The following ADTRP variants were observed in gnomAD, a reference collection of about 807,000 sequenced individuals.
The protein encoded by ADTRP is androgen dependent TFPI regulating protein, also known as androgen-dependent TFPI-regulating protein.
In ADTRP, 20 loss-of-function variants were observed where a neutral mutation model predicts 27.0. The observed-to-expected ratio is 0.74, with a 90% CI of 0.52 to 1.08. The LOEUF (loss-of-function observed/expected upper bound fraction) is 1.08, where lower values mean the gene tolerates loss of function less well. Among genes scored for constraint, ADTRP ranks in the 50% least tolerant of loss-of-function variants. The probability of loss-of-function intolerance (pLI) is 0.00; values close to 1 mark genes in which losing one functional copy is unlikely to be tolerated. For synonymous variants in ADTRP, 101 were observed against 105.2 expected, an observed-to-expected ratio of 0.96 and a Z score of 0.25; for missense variants, 251 against 275.0, an observed-to-expected ratio of 0.91 and a Z score of 0.62.
intron 5 of ADTRP, among the ~76,000 whole-genome samples, chr6:11,718,880 C>T (rs915831790): frequency 2.6e-5 from 4 of 152,242 alleles, no homozygotes; most frequent in East Asian, 3.8e-4. Context: ...GCCATGACAA[C>T]ACTTGCCTCC....
chr6:11,736,388 CA>C (rs1435686168), intron 3 of ADTRP: 3 of 152,904 alleles, frequency 2.0e-5, no homozygotes, highest in African/African-American at 7.2e-5. Context: ...CATTTGTGCA[CA>C]AACACGCACA....
chr6:11,760,061 T>C (rs910931217), intron 3 of ADTRP, among the ~76,000 whole-genome samples: 4 of 152,224 alleles, frequency 2.6e-5, no homozygotes, highest in African/African-American at 9.6e-5. Context: ...TTTGAACTTC[T>C]GACCTCCAAA....
In ADTRP at chr6:11,735,650, C is replaced by A. The variant is rs1762524558; in HGVS notation, c.424G>T (p.Val142Phe). 1.2e-6 allele frequency: 2 copies of A among 1,614,020 alleles called. No homozygotes were observed. The highest frequency in any genetic ancestry group is 1.7e-6 in the Non-Finnish European group (2 of 1,179,928). Residue 142 changes from valine to phenylalanine, a missense_variant, in exon 4 of 6, where the codon GTC becomes TTC. Physicochemically the swap from Val to Phe is conservative, Grantham distance 50. Transcript: ENST00000414691. The part of the protein sequence containing the change: ...TFIFPITLAE[V>F]VLRPHSYPSK... Reference sequence around the variant, plus strand: ...GGATAGGAGTGAGGCCTGAGGACGACTTCAGCCAATGTGATGGGGAATATG... The same window carrying A: ...GGATAGGAGTGAGGCCTGAGGACGAATTCAGCCAATGTGATGGGGAATATG...
At chr6:11,731,637 C>CA (rs1762383736) in intron 4 of ADTRP, among the ~76,000 whole-genome samples, 1 of 120,764 alleles carries the variant, frequency 8.3e-6, no homozygotes, top group Admixed American at 8.6e-5. Flanking sequence ...TACCTTCTCT[C>CA]ATTTTTTCTA....
In ADTRP at chr6:11,742,856, TTTTG is replaced by T. The variant is rs145786101; in HGVS notation, c.391-7177_391-7174del. On this transcript the variant is annotated intron_variant, in intron 3 of 5. Transcript: ENST00000414691. ...AGAAGTACCATTTTCCCCATGGGTG[TTTTG>T]TTTGTTTTTGTTCCAATTGTGAATC... Among the ~76,000 whole-genome samples, 931 of 152,286 alleles carry T rather than the reference TTTTG, an allele frequency of 6.1e-3. 27 individuals are homozygous for T. Among genetic ancestry groups the T allele is most frequent in the Admixed American group, 0.044 (670 of 15,302 alleles).
chr6:11,716,929 T>C (rs1761851668), intron 5 of ADTRP, among the ~76,000 whole-genome samples: 2 of 150,022 alleles, frequency 1.3e-5, no homozygotes, highest in African/African-American at 4.9e-5. Flanking sequence ...TTTCACCATG[T>C]AGGCCAGGCT....
intron 3 of ADTRP, among the ~76,000 whole-genome samples, chr6:11,740,599 A>G (rs548720547): frequency 4.9e-4 from 74 of 152,340 alleles, no homozygotes; most frequent in African/African-American, 1.7e-3. Flanking sequence ...AAAGGCATGC[A>G]GTAATAGTTG....
At chr6:11,770,401 T>A (rs1357782489) in intron 1 of ADTRP, among the ~76,000 whole-genome samples, 1 of 151,736 alleles carries the variant, frequency 6.6e-6, no homozygotes, top group African/African-American at 2.4e-5. Flanking sequence ...GCTGGGGAGA[T>A]GCAGGCTGTT....
At chr6:11,740,496 G>C (rs1762681108) in intron 3 of ADTRP, among the ~76,000 whole-genome samples, 1 of 152,130 alleles carries the variant, frequency 6.6e-6, no homozygotes, top group Non-Finnish European at 1.5e-5. Flanking sequence ...CATAGAAATG[G>C]AGGCAAAACA....
intron 5 of ADTRP, among the ~76,000 whole-genome samples, chr6:11,716,507 C>T (rs1761829394): frequency 6.6e-6 from 1 of 152,012 alleles, no homozygotes; most frequent in South Asian, 2.1e-4. Flanking sequence ...GGCACTGTTC[C>T]CAAATGGGTC....
At chr6:11,763,026 T>C (rs865923796) in intron 3 of ADTRP, among the ~76,000 whole-genome samples, 13 of 152,248 alleles carry the variant, frequency 8.5e-5, no homozygotes, top group African/African-American at 3.1e-4. Flanking sequence ...TCCCTTGTTT[T>C]ATGAAGACTG....
intron 4 of ADTRP, among the ~76,000 whole-genome samples, chr6:11,734,572 A>T (rs1330251018): frequency 6.6e-6 from 1 of 152,186 alleles, no homozygotes; most frequent in Non-Finnish European, 1.5e-5. Context: ...GGAGGGGTAG[A>T]CACCACAAAA....
At chr6:11,751,653 C>A (rs1042968538) in intron 3 of ADTRP, among the ~76,000 whole-genome samples, 4 of 152,172 alleles carry the variant, frequency 2.6e-5, no homozygotes, top group African/African-American at 9.6e-5. Flanking sequence ...TGGACAAATT[C>A]TTTTCCATTG....
rs1372033783 is a variant in ADTRP, at chr6:11,768,273, G to A, written c.264C>T (p.Thr88=). 6.2e-7 allele frequency: 1 copy of A among 1,614,162 alleles called. No homozygotes were observed. The highest frequency in any genetic ancestry group is 1.1e-5 in the South Asian group (1 of 91,072). The change falls in exon 2 of 6, where the codon ACC becomes ACT. Residue 88 remains threonine (T), a synonymous_variant. Transcript: ENST00000414691. The part of the protein sequence containing the change: ...FLTAFRDLLF[T]TLAFPVSTFV... ...CCGTGGATACAGGAAAAGCCAGAGTGGTGAAAAGCAGGTCTCTGAAGGCAG... is the reference window on the plus strand; with the variant it reads ...CCGTGGATACAGGAAAAGCCAGAGTAGTGAAAAGCAGGTCTCTGAAGGCAG...
intron 4 of ADTRP, among the ~76,000 whole-genome samples, chr6:11,734,446 G>C (rs971052102): frequency 6.6e-6 from 1 of 152,214 alleles, no homozygotes; most frequent in Non-Finnish European, 1.5e-5. Context: ...GGCTTCAGAG[G>C]CTGAAGAACA....
At chr6:11,774,260 G>A (rs543746498) in intron 1 of ADTRP, among the ~76,000 whole-genome samples, 1 of 152,192 alleles carries the variant, frequency 6.6e-6, no homozygotes, top group South Asian at 2.1e-4. Flanking sequence ...AGTGAGCCAA[G>A]ATTGTGCCAC....
chr6:11,776,478 T>C (rs1235767772), intron 1 of ADTRP, among the ~76,000 whole-genome samples: 1 of 152,150 alleles, frequency 6.6e-6, no homozygotes, highest in Non-Finnish European at 1.5e-5. Flanking sequence ...AAGACTCACA[T>C]GGCAGGGAGA....
chr6:11,722,053 G>C (rs1302681068), intron 5 of ADTRP, among the ~76,000 whole-genome samples: 1 of 151,942 alleles, frequency 6.6e-6, no homozygotes, highest in East Asian at 1.9e-4. Context: ...ATTTGGGGAG[G>C]CATCAGAAAT....
intron 3 of ADTRP, among the ~76,000 whole-genome samples, chr6:11,765,303 T>A (rs1763527491): frequency 6.6e-6 from 1 of 150,462 alleles, no homozygotes. Flanking sequence ...TGCCACTTCC[T>A]TGTGCCTTTC....
Sources: gnomAD v4.1 joint callset for allele counts (sites outside exome capture counted in the v4.1 genomes callset) on GRCh38, gnomAD v4.1.1 for gene constraint, MANE v1.5 for transcripts, NCBI Gene and HGNC (gene_info 2026-07-23, HGNC 2026-07-21) for gene names.